The following RARS2 variants were observed in gnomAD, a reference collection of about 807,000 sequenced individuals.
The protein encoded by RARS2 is arginyl-tRNA synthetase 2, mitochondrial, also known as probable arginine--tRNA ligase, mitochondrial.
A neutral mutation model predicts 88.5 loss-of-function variants in RARS2; 67 were observed. The observed-to-expected ratio is 0.76, with a 90% CI of 0.62 to 0.93. The LOEUF (loss-of-function observed/expected upper bound fraction) is 0.93. RARS2 is among the 40% of genes least tolerant of loss of function. RARS2 has a pLI of 0.00. For missense variants in RARS2, 664 were observed against 684.2 expected (o/e 0.97, Z 0.33); for synonymous variants, 239 against 230.3 (o/e 1.04, Z -0.34).
chr6:87,528,544 G>T (rs189920135), intron 10 of RARS2, among the ~76,000 whole-genome samples: 2 of 152,220 alleles, frequency 1.3e-5, no homozygotes, highest in Admixed American at 1.3e-4. Context: ...ATATACAACA[G>T]GTAATATTCA....
chr6:87,541,887 A>G, intron 8 of RARS2, 31 bp downstream of exon 8: 1 of 1,550,676 alleles, frequency 6.4e-7, no homozygotes, highest in Non-Finnish European at 8.9e-7. Context: ...GTACTCTGAA[A>G]AATTTTTGAA....
chr6:87,589,563 C>G (rs193201024), intron 1 of RARS2: 2 of 708,676 alleles, frequency 2.8e-6, no homozygotes, highest in African/African-American at 3.9e-5. Flanking sequence ...AAGAACAATC[C>G]AGATCCATCA....
chr6:87,535,830 C>G (rs1778986760), intron 8 of RARS2, among the ~76,000 whole-genome samples: 2 of 151,778 alleles, frequency 1.3e-5, no homozygotes, highest in Non-Finnish European at 2.9e-5. Context: ...GCATGCATCA[C>G]CATGCCCAGC....
At chr6:87,555,230 T>C (rs547684226) in intron 5 of RARS2, among the ~76,000 whole-genome samples, 178 bp downstream of exon 5, 64 of 152,224 alleles carry the variant, frequency 4.2e-4, no homozygotes, top group African/African-American at 1.5e-3. Flanking sequence ...GGTCCAAAAA[T>C]ATATTTTTTA....
chr6:87,562,650 G>GCT, intron 4 of RARS2, 52 bp downstream of exon 4: 1 of 1,371,078 alleles, frequency 7.3e-7, no homozygotes, highest in East Asian at 2.3e-5. Context: ...GACCACTGTG[G>GCT]CTGAAGCAGA....
chr6:87,589,841 T>C, intron 1 of RARS2, 81 bp downstream of exon 1: 8 of 1,613,790 alleles, frequency 5.0e-6, no homozygotes, highest in Non-Finnish European at 6.8e-6. Flanking sequence ...TCCAGCTGAC[T>C]GAGGACTGGC....
At chr6:87,568,459 C>G (rs138096254) in intron 2 of RARS2, among the ~76,000 whole-genome samples, 2 of 152,320 alleles carry the variant, frequency 1.3e-5, no homozygotes. Flanking sequence ...GAGATCACAC[C>G]ACTGCCCTCC....
chr6:87,556,670 T>C (rs139551716), intron 4 of RARS2, among the ~76,000 whole-genome samples: 195 of 151,342 alleles, frequency 1.3e-3, no homozygotes, highest in African/African-American at 4.0e-3. Flanking sequence ...CATGCGCCTG[T>C]AGTCCCAGCT....
rs533777329 is a variant in RARS2, at chr6:87,518,474, A to G, written c.1415+156T>C. 6 of 1,348,482 alleles carry G rather than the reference A, an allele frequency of 4.4e-6. No homozygotes were observed. The East Asian group carries it at 7.5e-5, about 17-fold the overall frequency. The allele number at this position is 1,348,482 out of a possible 1,614,324, so 83.5% of individuals were successfully genotyped here. A position where few individuals can be genotyped will look rare whatever the true frequency, so the allele number is the denominator to read the frequency against. On this transcript the variant is annotated intron_variant, in intron 16 of 19. Coordinates refer to ENST00000369536, the MANE Select transcript of RARS2 (RefSeq NM_020320.5). ...GTATTTCTAACATAGGTGCTCAATA[A>G]ATTTTTTTTTTTTCCTAAAAGAAGG...
chr6:87,580,870 C>A (rs1032316509), intron 1 of RARS2, among the ~76,000 whole-genome samples: 5 of 151,996 alleles, frequency 3.3e-5, no homozygotes, highest in African/African-American at 9.7e-5. Flanking sequence ...ATCAGAGATT[C>A]TAATATGTAA....
Position 87,567,928 on chromosome 6 carries a change from T to C in RARS2, c.110+1589A>G, listed in dbSNP as rs533067130. ...CTGGGATTACAGGCGCATGCCACCA[T>C]GCCTGGCTAATTTTTTGTATTTCTA... On this transcript the variant is annotated intron_variant, in intron 2 of 19. Transcript: ENST00000369536. Among the ~76,000 whole-genome samples the C allele has an allele frequency of 1.6e-4, 24 of 152,288 alleles. No homozygotes were observed. The South Asian group carries it at 4.8e-3, about 30-fold the overall frequency.
At position 87,518,204 on chromosome 6, in the gene RARS2, C is replaced by G; in HGVS notation, c.1476G>C (p.Glu492Asp). 1 of 1,614,164 alleles carries G rather than the reference C, an allele frequency of 6.2e-7. No individual in the cohort carries two copies. The highest frequency in any genetic ancestry group is 8.5e-7 in the Non-Finnish European group (1 of 1,180,028). The part of the protein sequence containing the change: ...LNDFNTACLQ[E>D]PQSVSILQHL... ...GCTGAAGAATTGAAACAGACTGTGG[C>G]TCTTGTAAACAAGCAGTGTTGAAGT... Residue 492 changes from glutamate (E) to aspartate (D), a missense_variant, in exon 17 of 20, where the codon GAG (glutamate) becomes GAC (aspartate). Coordinates refer to ENST00000369536, the MANE Select transcript of RARS2 (RefSeq NM_020320.5).
At chr6:87,516,192 A>G (rs1020943465) in intron 18 of RARS2, among the ~76,000 whole-genome samples, 7 of 152,192 alleles carry the variant, frequency 4.6e-5, no homozygotes, top group Non-Finnish European at 5.9e-5. Context: ...GGTGGACTCA[A>G]TTTTGATTTC....
chr6:87,535,852 A>T (rs914402905), intron 8 of RARS2, among the ~76,000 whole-genome samples: 4 of 145,174 alleles, frequency 2.8e-5, no homozygotes, highest in East Asian at 2.0e-4. Flanking sequence ...AATTATTTGT[A>T]TTTTTTTTTT....
At chr6:87,538,326 C>T (rs1166693293) in intron 8 of RARS2, among the ~76,000 whole-genome samples, 2 of 152,142 alleles carry the variant, frequency 1.3e-5, no homozygotes, top group African/African-American at 4.8e-5. Context: ...ATGAAAGCAA[C>T]ACCATTATTA....
At chr6:87,547,255 C>G (rs928052684) in intron 6 of RARS2, among the ~76,000 whole-genome samples, 8 of 152,182 alleles carry the variant, frequency 5.3e-5, no homozygotes, top group African/African-American at 1.9e-4. Flanking sequence ...ACTCATATAG[C>G]TTTTTTTATA....
At position 87,545,487 on chromosome 6, in the gene RARS2, A is replaced by G. The variant is rs547456697; in HGVS notation, c.535+129T>C. 0.065 allele frequency: 47,579 copies of G among 727,258 alleles called. 598 individuals are homozygous for G. The highest frequency in any genetic ancestry group is 0.13 in the African/African-American group (6,356 of 48,010). 45.1% of individuals were successfully genotyped at this position (727,258 alleles called of 1,614,324 possible). On this transcript the variant is annotated intron_variant, in intron 7 of 19. Coordinates refer to ENST00000369536, the MANE Select transcript of RARS2 (RefSeq NM_020320.5). ...TTTTATGCAAAAGAGCCATTAGGGA[A>G]AAAAAAAAAAAAATAGGTAGGACAT...
chr6:87,541,572 C>T (rs1780973384), intron 8 of RARS2, among the ~76,000 whole-genome samples: 3 of 152,032 alleles, frequency 2.0e-5, no homozygotes, highest in Admixed American at 6.6e-5. Context: ...GCCTGTAATC[C>T]CAGCACTTTG....
intron 14 of RARS2, 59 bp downstream of exon 14, chr6:87,519,524 C>T: frequency 1.3e-6 from 2 of 1,543,344 alleles, no homozygotes; most frequent in Non-Finnish European, 1.8e-6. Context: ...GCCCAAAGTC[C>T]AGAATAACAT....
Sources: gnomAD v4.1 joint callset for allele counts (sites outside exome capture counted in the v4.1 genomes callset) on GRCh38, gnomAD v4.1.1 for gene constraint, MANE v1.5 for transcripts, NCBI Gene and HGNC (gene_info 2026-07-23, HGNC 2026-07-21) for gene names.